SV2C: variants seen among roughly 807,000 people sequenced by gnomAD.
SV2C encodes the protein solute carrier family 22 member B3.
In SV2C, 49 loss-of-function variants were observed where a neutral mutation model predicts 79.7. The ratio of observed to expected loss-of-function variants is 0.61; its 90% CI spans 0.49 to 0.78. The LOEUF is 0.78. Among genes scored for constraint, SV2C ranks in the 30% least tolerant of loss-of-function variants. The probability of loss-of-function intolerance (pLI) is 0.00; values close to 1 mark genes in which losing one functional copy is unlikely to be tolerated. For missense variants in SV2C, 833 were observed against 912.9 expected, an observed-to-expected ratio of 0.91 and a Z score of 1.13; for synonymous variants, 334 against 333.2, an observed-to-expected ratio of 1.00 and a Z score of -0.03.
At chr5:75,998,839 T>C in the SV2C span, among the ~76,000 whole-genome samples, 1 of 152,100 alleles carries the variant, frequency 6.6e-6, no homozygotes, top group South Asian at 2.1e-4. Flanking sequence ...TCACTCTCTC[T>C]CTCTCTATTG....
chr5:75,888,226 A>G, the SV2C span, among the ~76,000 whole-genome samples: 1 of 152,060 alleles, frequency 6.6e-6, no homozygotes, highest in East Asian at 1.9e-4. Context: ...GTCCGCTGCA[A>G]CCAGGTGGGG....
chr5:75,886,049 C>A, the SV2C span, among the ~76,000 whole-genome samples: 1 of 152,104 alleles, frequency 6.6e-6, no homozygotes, highest in African/African-American at 2.4e-5. Context: ...GGCCTCTATA[C>A]TGTTTGCATG....
intron 2 of SV2C, among the ~76,000 whole-genome samples, chr5:76,136,488 C>A (rs779853867): frequency 9.2e-5 from 14 of 151,472 alleles, no homozygotes; most frequent in Non-Finnish European, 1.3e-4. Flanking sequence ...TTTGTTGTTA[C>A]AATGTGACAA....
chr5:76,323,669 A>C (rs1297519505), intron 12 of SV2C, among the ~76,000 whole-genome samples: 5 of 152,270 alleles, frequency 3.3e-5, no homozygotes, highest in Admixed American at 6.5e-5. Context: ...GGATAAAGCA[A>C]ATGTGGTACA....
chr5:75,894,895 G>A, the SV2C span, among the ~76,000 whole-genome samples: 1 of 152,084 alleles, frequency 6.6e-6, no homozygotes, highest in Non-Finnish European at 1.5e-5. Context: ...TGACCTTAAG[G>A]CTGTGCACAG....
chr5:75,954,353 A>G, the SV2C span, among the ~76,000 whole-genome samples: 12 of 152,026 alleles, frequency 7.9e-5, no homozygotes, highest in African/African-American at 2.9e-4. Context: ...TAAAGAGCCT[A>G]TCATCTCTTG....
At chr5:76,156,758 A>G (rs1264066310) in intron 2 of SV2C, among the ~76,000 whole-genome samples, 1 of 152,168 alleles carries the variant, frequency 6.6e-6, no homozygotes, top group Non-Finnish European at 1.5e-5. Flanking sequence ...TTGGAATTGT[A>G]AAGTATAATA....
At chr5:76,137,639 A>G (rs1749112096) in intron 2 of SV2C, among the ~76,000 whole-genome samples, 1 of 152,184 alleles carries the variant, frequency 6.6e-6, no homozygotes, top group Admixed American at 6.5e-5. Flanking sequence ...CCCCAAAATA[A>G]CTAACAGCCA....
chr5:76,030,289 T>TTTTTTTTTTTTTTTTTATTTA, the SV2C span, among the ~76,000 whole-genome samples: 13 of 117,904 alleles, frequency 1.1e-4, no homozygotes, highest in African/African-American at 5.1e-4. Context: ...TTTTTTTTTT[T>TTTTTTTTTTTTTTTTTATTTA]TTTATTTATT....
chr5:75,983,412 C>T, the SV2C span, among the ~76,000 whole-genome samples: 46 of 152,044 alleles, frequency 3.0e-4, no homozygotes, highest in Admixed American at 9.8e-4. Context: ...AGAAGGTCTG[C>T]GGCTTGGGAG....
chr5:76,309,464 G>A (rs914754338), intron 12 of SV2C, among the ~76,000 whole-genome samples: 5 of 152,082 alleles, frequency 3.3e-5, no homozygotes, highest in Admixed American at 1.3e-4. Context: ...GCCAGGCATC[G>A]TGGCTGGCGC....
intron 2 of SV2C, among the ~76,000 whole-genome samples, chr5:76,153,396 C>G (rs987919130): frequency 1.1e-4 from 17 of 152,226 alleles, no homozygotes; most frequent in African/African-American, 3.9e-4. Flanking sequence ...AGTCTTCTCT[C>G]TGCTTCCTGA....
the SV2C span, among the ~76,000 whole-genome samples, chr5:75,908,615 C>A: frequency 3.9e-5 from 6 of 152,322 alleles, no homozygotes; most frequent in Non-Finnish European, 7.3e-5. Context: ...ACGTCTTTCA[C>A]TTGATGGTGG....
chr5:76,254,448 C>T (rs890056103), intron 4 of SV2C, among the ~76,000 whole-genome samples: 2 of 152,028 alleles, frequency 1.3e-5, no homozygotes, highest in Non-Finnish European at 2.9e-5. Context: ...ACTCAAACCT[C>T]CATGTTTAGC....
intron 4 of SV2C, among the ~76,000 whole-genome samples, chr5:76,237,929 C>G (rs964659994): frequency 4.6e-5 from 7 of 151,168 alleles, no homozygotes; most frequent in Non-Finnish European, 8.8e-5. Context: ...TTTATTGAGC[C>G]ATTTTAATTT....
At chr5:75,973,402 G>A in the SV2C span, among the ~76,000 whole-genome samples, 1 of 151,964 alleles carries the variant, frequency 6.6e-6, no homozygotes, top group Non-Finnish European at 1.5e-5. Context: ...GGCTAAGGTA[G>A]GAGGATGGTT....
rs1056396036 is a variant in SV2C, at chr5:76,106,958, A to G, written c.-102+23446A>G. ...TTGTTGCATCCCAAGTGCCCAGAAT[A>G]GTGCCTGACACACAGCAGTTTATAT... On this transcript the variant is annotated intron_variant, in intron 1 of 12. Transcript: ENST00000502798. Among the ~76,000 whole-genome samples the G allele has an allele frequency of 4.6e-5, 7 of 152,200 alleles. No homozygotes were observed. The East Asian group carries it at 9.6e-4, about 21-fold the overall frequency.
chr5:76,335,995 C>A (rs1397830472), downstream of SV2C, among the ~76,000 whole-genome samples: 1 of 151,620 alleles, frequency 6.6e-6, no homozygotes, highest in African/African-American at 2.4e-5. Context: ...CCAGTAGGGG[C>A]GGCCGGGCAG....
the SV2C span, among the ~76,000 whole-genome samples, chr5:76,005,747 G>A: frequency 4.6e-5 from 7 of 152,178 alleles, no homozygotes; most frequent in African/African-American, 1.2e-4. Context: ...AACCATGCAA[G>A]GATGAATGGA....
Sources: allele counts gnomAD v4.1 joint callset (sites outside exome capture counted in the v4.1 genomes callset), GRCh38; gene constraint gnomAD v4.1.1; transcripts MANE v1.5; gene names NCBI Gene and HGNC (gene_info 2026-07-23, HGNC 2026-07-21).